Variants in FGFR2 observed in about 807,000 individuals in gnomAD.
FGFR2 encodes the protein BEK fibroblast growth factor receptor.
FGFR2 carries 19 observed loss-of-function variants against 95.9 expected under a neutral mutation model. The observed-to-expected ratio is 0.20, with a 90% CI of 0.14 to 0.29. The LOEUF is 0.29. FGFR2 is among the 10% of genes least tolerant of loss of function. FGFR2 has a pLI of 1.00. For missense variants in FGFR2, 707 were observed against 1,056.9 expected, an observed-to-expected ratio of 0.67 and a Z score of 4.59; for synonymous variants, 392 against 393.3, an observed-to-expected ratio of 1.00 and a Z score of 0.04.
intron 6 of FGFR2, among the ~76,000 whole-genome samples, chr10:121,535,506 G>A (rs1202388929): frequency 6.6e-6 from 1 of 152,160 alleles, no homozygotes; most frequent in East Asian, 1.9e-4. Flanking sequence ...TTGGACACAA[G>A]GAAAGTGCAA....
chr10:121,517,707 G>GA lies in FGFR2; in HGVS notation c.940-245dup, dbSNP rs775616326. Among the ~76,000 whole-genome samples the GA allele has an allele frequency of 3.9e-5, 6 of 152,130 alleles. No individual in the cohort carries two copies. Among genetic ancestry groups the GA allele is most frequent in the Admixed American group, 1.3e-4 (2 of 15,280 alleles). On this transcript the variant is annotated intron_variant, in intron 7 of 17. Coordinates refer to ENST00000358487, the MANE Select transcript of FGFR2 (RefSeq NM_000141.5). The surrounding 1 kb of genome is among the most constrained non-coding windows in gnomAD (Gnocchi z 4.7). ...ACACATGCACGCAATCAAACGCATGGAAAAAATCAACCCACAGAGGTCCGT... is the reference window on the plus strand; with the variant it reads ...ACACATGCACGCAATCAAACGCATGGAAAAAAATCAACCCACAGAGGTCCGT...
At chr10:121,536,613 T>C (rs1391942352) in intron 6 of FGFR2, among the ~76,000 whole-genome samples, 1 of 152,116 alleles carries the variant, frequency 6.6e-6, no homozygotes, top group African/African-American at 2.4e-5. Flanking sequence ...AACCCTAAAC[T>C]CTAAGAGAGA....
intron 4 of FGFR2, among the ~76,000 whole-genome samples, chr10:121,552,023 C>A (rs41302327): frequency 2.0e-5 from 3 of 149,692 alleles, no homozygotes. Context: ...AACAAACAAA[C>A]AAAAAAAAAA....
intron 2 of FGFR2, among the ~76,000 whole-genome samples, chr10:121,582,652 G>A (rs146218456): frequency 2.5e-3 from 380 of 152,182 alleles, no homozygotes; most frequent in African/African-American, 8.8e-3. Flanking sequence ...GCGTGGTGGT[G>A]CACATCTGTA....
At chr10:121,553,047 G>A (rs1022124189) in intron 4 of FGFR2, among the ~76,000 whole-genome samples, 2 of 152,116 alleles carry the variant, frequency 1.3e-5, no homozygotes, top group African/African-American at 2.4e-5. Flanking sequence ...AATTGAAATC[G>A]CTGCATCCAA....
chr10:121,557,869 T>A (rs1856388594), intron 4 of FGFR2, among the ~76,000 whole-genome samples: 1 of 152,130 alleles, frequency 6.6e-6, no homozygotes, highest in Non-Finnish European at 1.5e-5. Context: ...ACCTTCATTT[T>A]CCCTAGGTAC....
At chr10:121,582,071 A>G (rs1861018547) in intron 2 of FGFR2, among the ~76,000 whole-genome samples, 1 of 152,044 alleles carries the variant, frequency 6.6e-6, no homozygotes, top group Non-Finnish European at 1.5e-5. Context: ...ACCTGGGACT[A>G]CAGGTGCCTG....
chr10:121,503,775 A>G lies in FGFR2; in HGVS notation c.1439+15T>C. The G allele has an allele frequency of 6.2e-7, 1 of 1,614,074 alleles. No homozygotes were observed. Among genetic ancestry groups the G allele is most frequent in the Non-Finnish European group, 8.5e-7 (1 of 1,179,946 alleles). ...TGAGTCTCCATCCTGGGACATGGCC[A>G]AGAGAAGTACTCACTTATCTCTTGG... On this transcript the variant is annotated intron_variant, in intron 10 of 17. Transcript: ENST00000358487.
chr10:121,525,750 A>G (rs1851280501), intron 6 of FGFR2, among the ~76,000 whole-genome samples: 2 of 151,856 alleles, frequency 1.3e-5, no homozygotes, highest in South Asian at 4.2e-4. Context: ...GTTTGCTCAT[A>G]AGAGATCTAC....
At position 121,518,650 on chromosome 10, in the gene FGFR2, T is replaced by C; in HGVS notation, c.940-1187A>G. 1 of 1,614,016 alleles carries C rather than the reference T, an allele frequency of 6.2e-7. No homozygotes were observed. Among genetic ancestry groups the C allele is most frequent in the East Asian group, 2.2e-5 (1 of 44,874 alleles). On this transcript the variant is annotated intron_variant, in intron 7 of 17. Coordinates refer to ENST00000358487, the MANE Select transcript of FGFR2 (RefSeq NM_000141.5). The surrounding 1 kb of genome is among the most constrained non-coding windows in gnomAD (Gnocchi z 4.0). The stretch of plus-strand genomic sequence containing the variant: ...TCAGCTTCTATATCCAGCTTTCTTT[T>C]TAAAAAAAGACAAAAATGAAAGCAT...
intron 2 of FGFR2, among the ~76,000 whole-genome samples, chr10:121,577,178 T>TATATATATATATAGAG: frequency 7.7e-4 from 4 of 5,212 alleles, no homozygotes; most frequent in Non-Finnish European, 1.3e-3. Flanking sequence ...TATATATATA[T>TATATATATATATAGAG]AGAGAGAGAG....
chr10:121,496,466 G>T, intron 13 of FGFR2, 66 bp downstream of exon 13: 1 of 1,483,918 alleles, frequency 6.7e-7, no homozygotes, highest in Non-Finnish European at 9.4e-7. Flanking sequence ...TGTCCAAATT[G>T]CCTGTTTTCT....
intron 2 of FGFR2, among the ~76,000 whole-genome samples, chr10:121,566,277 A>T (rs1373563097): frequency 6.6e-6 from 1 of 152,144 alleles, no homozygotes; most frequent in Non-Finnish European, 1.5e-5. Context: ...TCAGATCAGT[A>T]CTTTGCCGGT....
At chr10:121,506,495 T>G (rs542114391) in intron 9 of FGFR2, among the ~76,000 whole-genome samples, 4 of 152,144 alleles carry the variant, frequency 2.6e-5, no homozygotes, top group Non-Finnish European at 5.9e-5. Context: ...GTTTCCAGGA[T>G]TCCACTATGG....
At chr10:121,579,083 C>T (rs1860405349) in intron 2 of FGFR2, among the ~76,000 whole-genome samples, 1 of 152,190 alleles carries the variant, frequency 6.6e-6, no homozygotes, top group Non-Finnish European at 1.5e-5. Flanking sequence ...CAGTAGTGAA[C>T]GTGTCAGCTT....
chr10:121,574,218 TATC>T (rs562426799), intron 2 of FGFR2, among the ~76,000 whole-genome samples: 2 of 152,178 alleles, frequency 1.3e-5, no homozygotes, highest in East Asian at 1.9e-4. Context: ...CATCAGAACT[TATC>T]AGCAGAAAGA....
chr10:121,538,023 T>A (rs951417152), intron 6 of FGFR2: 3 of 280,702 alleles, frequency 1.1e-5, no homozygotes, highest in African/African-American at 4.4e-5. Context: ...CAAAAATGTA[T>A]TTATAAGCTC....
intron 4 of FGFR2, among the ~76,000 whole-genome samples, chr10:121,559,423 C>T (rs554592904): frequency 1.3e-5 from 2 of 152,342 alleles, no homozygotes; most frequent in African/African-American, 4.8e-5. Flanking sequence ...TTACCCCGGC[C>T]GTGGCATTCC....
At chr10:121,486,183 A>G (rs1845376725) in intron 15 of FGFR2, among the ~76,000 whole-genome samples, 1 of 152,210 alleles carries the variant, frequency 6.6e-6, no homozygotes, top group Admixed American at 6.5e-5. Context: ...GAGCAAGCTG[A>G]GAGAGCCAGG....
Sources: allele counts gnomAD v4.1 joint callset (sites outside exome capture counted in the v4.1 genomes callset), GRCh38; gene constraint gnomAD v4.1.1; non-coding constraint Gnocchi (gnomAD v3.1); transcripts MANE v1.5; gene names NCBI Gene and HGNC (gene_info 2026-07-23, HGNC 2026-07-21).